LIX1: variants seen among roughly 807,000 people sequenced by gnomAD.
LIX1 encodes the protein protein limb expression 1 homolog.
A neutral mutation model predicts 33.4 loss-of-function variants in LIX1; 24 were observed. The ratio of observed to expected loss-of-function variants is 0.72; its 90% CI spans 0.52 to 1.01. The LOEUF is 1.01. Among genes scored for constraint, LIX1 ranks in the 50% least tolerant of loss-of-function variants. LIX1 has a pLI of 0.00. For missense variants in LIX1, 311 were observed against 339.2 expected (o/e 0.92, Z 0.65); for synonymous variants, 124 against 124.0 (o/e 1.00, Z 0.00).
intron 4 of LIX1, chr5:97,101,897 TA>T: frequency 6.6e-6 from 1 of 152,342 alleles, no homozygotes; most frequent in Non-Finnish European, 1.5e-5. Context: ...GATGAAGTTT[TA>T]AAAGGCGACC....
rs116276291 is a variant in LIX1, at chr5:97,128,841, G to T, written c.83-4212C>A. ...AGTCTATACTGCCATTACTGCATTCGTTCATGCTCACTGTATCTGATCAAG... is the reference window on the plus strand; with the variant it reads ...AGTCTATACTGCCATTACTGCATTCTTTCATGCTCACTGTATCTGATCAAG... On this transcript the variant is annotated intron_variant, in intron 1 of 5. Coordinates refer to ENST00000274382, the MANE Select transcript of LIX1 (RefSeq NM_153234.5). Among the ~76,000 whole-genome samples, 381 of 152,010 alleles carry T rather than the reference G, an allele frequency of 2.5e-3. 6 individuals carry two copies. The highest frequency in any genetic ancestry group is 8.2e-3 in the African/African-American group (339 of 41,458).
intron 1 of LIX1, among the ~76,000 whole-genome samples, chr5:97,130,443 C>A (rs923195848): frequency 6.6e-6 from 1 of 152,214 alleles, no homozygotes; most frequent in Non-Finnish European, 1.5e-5. Context: ...CAAGATAAAT[C>A]AGCCATACAG....
At position 97,142,555 on chromosome 5, in the gene LIX1, G is replaced by C; in HGVS notation, c.22C>G (p.Leu8Val). Residue 8 changes from leucine (L) to valine (V), a missense_variant, in exon 1 of 6, where the codon CTG becomes GTG. Transcript: ENST00000274382. ...AAGACTTGGGCAATGATGTGTCTCA[G>C]AGATTCCAAGGTTCTGTCCATCTTG... MDRTLES[L>V]RHIIAQVLPH... 1 of 1,614,070 alleles carries C rather than the reference G, an allele frequency of 6.2e-7. No homozygotes were observed. The highest frequency in any genetic ancestry group is 1.1e-5 in the South Asian group (1 of 91,074).
chr5:97,127,089 G>A (rs1388926954), intron 1 of LIX1, among the ~76,000 whole-genome samples: 1 of 152,126 alleles, frequency 6.6e-6, no homozygotes, highest in Non-Finnish European at 1.5e-5. Flanking sequence ...GTCTCTGCTT[G>A]CAGTTGACCT....
intron 1 of LIX1, among the ~76,000 whole-genome samples, chr5:97,137,598 TTCAG>T (rs1337506638): frequency 2.6e-5 from 4 of 152,186 alleles, no homozygotes; most frequent in Non-Finnish European, 4.4e-5. Context: ...TTGAATAGGC[TTCAG>T]TCAAACAGAC....
chr5:97,125,622 C>G (rs982065189), intron 1 of LIX1, among the ~76,000 whole-genome samples: 1 of 152,202 alleles, frequency 6.6e-6, no homozygotes, highest in African/African-American at 2.4e-5. Context: ...GGGTCTACTT[C>G]TCATTTCTGA....
intron 1 of LIX1, among the ~76,000 whole-genome samples, chr5:97,125,188 T>C (rs562302297): frequency 7.2e-5 from 11 of 152,310 alleles, no homozygotes; most frequent in African/African-American, 2.6e-4. Flanking sequence ...GAAAAATCCA[T>C]GAGTGAAACT....
intron 1 of LIX1, among the ~76,000 whole-genome samples, chr5:97,126,637 C>CTTTTTTT (rs1016872695): frequency 4.9e-5 from 6 of 123,658 alleles, no homozygotes; most frequent in South Asian, 2.6e-4. Context: ...TATTTTCTTT[C>CTTTTTTT]TTTTTTTTTT....
chr5:97,136,375 A>G (rs1033149121), intron 1 of LIX1, among the ~76,000 whole-genome samples: 1 of 152,194 alleles, frequency 6.6e-6, no homozygotes, highest in African/African-American at 2.4e-5. Flanking sequence ...GGCACAGTTT[A>G]TTTCATCGTA....
rs190509598 is a variant in LIX1 at position 97,107,636 on chromosome 5, T to G, written c.247-136A>C. 109 of 933,182 alleles carry G rather than the reference T, an allele frequency of 1.2e-4. No individual in the cohort carries two copies. In the African/African-American group the frequency reaches 1.6e-3, roughly 13 times the overall value. 57.8% of individuals were successfully genotyped at this position (933,182 alleles called of 1,614,324 possible). ...CTATTCTGTTCATATACATTGCTAA[T>G]TTCCCTGAAGGTCACGCAGATTTTC... On this transcript the variant is annotated intron_variant, in intron 2 of 5. Transcript: ENST00000274382.
At chr5:97,111,535 G>A (rs1747397654) in intron 2 of LIX1, among the ~76,000 whole-genome samples, 1 of 152,132 alleles carries the variant, frequency 6.6e-6, no homozygotes, top group African/African-American at 2.4e-5. Flanking sequence ...GTTTTTGCAA[G>A]TATTACCTGA....
chr5:97,105,125 T>C, intron 4 of LIX1, 65 bp downstream of exon 4: 2 of 1,368,312 alleles, frequency 1.5e-6, no homozygotes, highest in African/African-American at 1.4e-5. Context: ...TAGTGATAAA[T>C]GTTGCATTTC....
At chr5:97,132,480 G>A (rs1748077408) in intron 1 of LIX1, among the ~76,000 whole-genome samples, 1 of 152,174 alleles carries the variant, frequency 6.6e-6, no homozygotes, top group Non-Finnish European at 1.5e-5. Context: ...AGGGAGGGAT[G>A]GGTGAAGGGA....
chr5:97,109,568 T>C (rs573169412), intron 2 of LIX1, among the ~76,000 whole-genome samples: 1 of 152,154 alleles, frequency 6.6e-6, no homozygotes, highest in African/African-American at 2.4e-5. Context: ...TTTATTTCTT[T>C]TTTTATTTTA....
chr5:97,138,270 A>C (rs1748211397), intron 1 of LIX1, among the ~76,000 whole-genome samples: 1 of 152,240 alleles, frequency 6.6e-6, no homozygotes, highest in African/African-American at 2.4e-5. Context: ...CTACAGTGAC[A>C]ATTAAGATAC....
chr5:97,098,450 G>T (rs1436040189), intron 4 of LIX1, among the ~76,000 whole-genome samples: 1 of 151,762 alleles, frequency 6.6e-6, no homozygotes, highest in Admixed American at 6.6e-5. Context: ...AGTTTTTTTT[G>T]GTCAGAGATA....
At position 97,116,295 on chromosome 5, in the gene LIX1, A is replaced by G. The variant is rs547353727; in HGVS notation, c.246+8171T>C. Among the ~76,000 whole-genome samples, 4 of 152,240 alleles carry G rather than the reference A, an allele frequency of 2.6e-5. No individual in the cohort carries two copies. The South Asian group carries it at 8.3e-4, about 32-fold the overall frequency. ...ATATTAACATTTTTTCTCCTTCCAG[A>G]TGGTGATGTGAAAAAGGGCAACCGT... On this transcript the variant is annotated intron_variant, in intron 2 of 5. Coordinates refer to ENST00000274382, the MANE Select transcript of LIX1 (RefSeq NM_153234.5).
chr5:97,103,004 CATT>C (rs1185717315), intron 4 of LIX1: 1 of 437,880 alleles, frequency 2.3e-6, no homozygotes, highest in African/African-American at 2.1e-5. Flanking sequence ...ACAAAATGGG[CATT>C]ATTATTCCTA....
chr5:97,136,662 AGTGGTG>A (rs1748178401), intron 1 of LIX1, among the ~76,000 whole-genome samples: 1 of 152,124 alleles, frequency 6.6e-6, no homozygotes, highest in Admixed American at 6.5e-5. Flanking sequence ...GTGCCAAAGG[AGTGGTG>A]ACGAAATGAT....
Sources: gnomAD v4.1 joint callset for allele counts (sites outside exome capture counted in the v4.1 genomes callset) on GRCh38, gnomAD v4.1.1 for gene constraint, MANE v1.5 for transcripts, NCBI Gene and HGNC (gene_info 2026-07-23, HGNC 2026-07-21) for gene names.